Variants in GABRR3 observed in about 807,000 individuals in gnomAD.
GABRR3 encodes the protein gamma-aminobutyric acid type A receptor subunit rho3, also known as gamma-aminobutyric acid receptor subunit rho-3.
GABRR3 carries 29 observed loss-of-function variants against 43.2 expected under a neutral mutation model. The ratio of observed to expected loss-of-function variants is 0.67; its 90% CI spans 0.50 to 0.92. GABRR3 has a LOEUF of 0.92. Ranked by LOEUF, GABRR3 falls within the 40% of genes least tolerant of loss-of-function variation. GABRR3 has a pLI of 0.00. For missense variants in GABRR3, 576 were observed against 572.3 expected (o/e 1.01, Z -0.07); for synonymous variants, 206 against 195.9 (o/e 1.05, Z -0.43).
intron 8 of GABRR3, chr3:98,000,165 T>C (rs1393539270): frequency 6.6e-6 from 1 of 152,142 alleles, no homozygotes; most frequent in Non-Finnish European, 1.5e-5. Flanking sequence ...TAAATCTGCA[T>C]AGCAATTTCC....
downstream of GABRR3, among the ~76,000 whole-genome samples, chr3:97,985,545 C>T (rs921354048): frequency 6.6e-6 from 1 of 152,186 alleles, no homozygotes; most frequent in African/African-American, 2.4e-5. Context: ...TTTTATAGCT[C>T]CAGTTCACTG....
intron 2 of GABRR3, among the ~76,000 whole-genome samples, chr3:98,026,612 T>TCATCATTAG (rs142635806): frequency 0.23 from 34,606 of 150,338 alleles, 4,765 homozygotes; most frequent in East Asian, 0.41. Context: ...GTCATCATCA[T>TCATCATTAG]CATCATCATC....
chr3:98,030,537 G>A (rs879436344), intron 2 of GABRR3, among the ~76,000 whole-genome samples: 9 of 152,112 alleles, frequency 5.9e-5, no homozygotes, highest in Non-Finnish European at 1.0e-4. Flanking sequence ...CGTGAGCTTG[G>A]AAAAACAAAA....
rs1202227765 is a variant in GABRR3, at chr3:98,001,786, G to A, written c.755-19C>T. On this transcript the variant is annotated intron_variant, in intron 7 of 9. Transcript: ENST00000621172. ...TACCAACCTGTGGAAAAAAGCCAAA[G>A]TTTTCATTAGAGCAAGCTTCCCCTT... 3 of 1,612,126 alleles carry A rather than the reference G, an allele frequency of 1.9e-6. No individual in the cohort carries two copies. The highest frequency in any genetic ancestry group is 2.5e-6 in the Non-Finnish European group (3 of 1,178,934).
At chr3:98,033,440 A>T (rs1707115540) in intron 2 of GABRR3, among the ~76,000 whole-genome samples, 1 of 152,118 alleles carries the variant, frequency 6.6e-6, no homozygotes, top group Non-Finnish European at 1.5e-5. Flanking sequence ...CACCACAAAG[A>T]ACCAATGTTC....
At chr3:98,027,431 C>G (rs1016287105) in intron 2 of GABRR3, among the ~76,000 whole-genome samples, 3 of 152,100 alleles carry the variant, frequency 2.0e-5, no homozygotes, top group African/African-American at 7.2e-5. Flanking sequence ...ATTTGTAAAC[C>G]TCTTTGGTAA....
At chr3:98,016,011 G>A (rs1706867911) in intron 4 of GABRR3, among the ~76,000 whole-genome samples, 1 of 152,164 alleles carries the variant, frequency 6.6e-6, no homozygotes, top group Admixed American at 6.5e-5. Flanking sequence ...GGGGAAGAAA[G>A]CACCTTCTTC....
At chr3:98,012,653 T>C (rs1402041153) in intron 4 of GABRR3, 86 bp from the exon 5 acceptor site, 1 of 859,032 alleles carries the variant, frequency 1.2e-6, no homozygotes, top group African/African-American at 1.7e-5. Context: ...CAGGACTCAT[T>C]CCTATGGTGT....
rs59004926 is a variant in GABRR3, at chr3:98,019,109, CAAAAAAAAAAAGA to C, written c.239-1400_239-1388del. Among the ~76,000 whole-genome samples the C allele has an allele frequency of 4.7e-3, 661 of 140,372 alleles. 4 individuals carry two copies. The highest frequency in any genetic ancestry group is 0.017 in the African/African-American group (627 of 37,594). 92.1% of individuals were successfully genotyped at this position (140,372 alleles called of 152,430 possible). On this transcript the variant is annotated intron_variant, in intron 3 of 9. Transcript: ENST00000621172. ...TGGGTGACAGAGCTAGACTCTCTCT[CAAAAAAAAAAAGA>C]AAAAGAAAAAAGAAAAGAAAAGAAA...
chr3:98,008,200 T>G (rs1346548161), intron 6 of GABRR3, among the ~76,000 whole-genome samples: 1 of 152,070 alleles, frequency 6.6e-6, no homozygotes, highest in African/African-American at 2.4e-5. Flanking sequence ...TCTCTTAGAG[T>G]GTTAAGCCAG....
chr3:98,030,016 G>C (rs749812187), intron 2 of GABRR3, among the ~76,000 whole-genome samples: 1 of 151,682 alleles, frequency 6.6e-6, no homozygotes, highest in Non-Finnish European at 1.5e-5. Flanking sequence ...TCAGGAGGCC[G>C]AGGCAGGAGA....
chr3:98,013,990 C>G, intron 4 of GABRR3, among the ~76,000 whole-genome samples: 1 of 151,960 alleles, frequency 6.6e-6, no homozygotes, highest in East Asian at 1.9e-4. Context: ...GAGGGTGAGA[C>G]AAATCTTAAA....
chr3:97,996,060 TC>T (rs1307420821), intron 8 of GABRR3, among the ~76,000 whole-genome samples: 26 of 152,306 alleles, frequency 1.7e-4, no homozygotes, highest in African/African-American at 5.8e-4. Context: ...TAATAATCTT[TC>T]AGTTTCATTG....
chr3:97,992,881 C>T (rs1417722641), exon 9 of GABRR3: 2 of 1,611,268 alleles, frequency 1.2e-6, no homozygotes, highest in Admixed American at 1.7e-5. Context: ...TGTTTCCGCT[C>T]TTCCACTGTG....
chr3:98,006,414 T>C lies in GABRR3; in HGVS notation c.754+1350A>G, dbSNP rs147272578. On this transcript the variant is annotated intron_variant, in intron 7 of 9. Transcript: ENST00000621172. ...AATGTAGACAAATAATGGAGTGAAA[T>C]AGAGAATTTCTTCTGGGTCTAAATA... 7.9e-5 allele frequency among the ~76,000 whole-genome samples: 12 copies of C among 152,282 alleles called. No homozygotes were observed. In the East Asian group the frequency reaches 2.1e-3, roughly 27 times the overall value.
rs1327880049 is a variant in GABRR3, at chr3:98,012,410, T to C, written c.464A>G (p.His155Arg). The C allele has an allele frequency of 6.2e-7, 1 of 1,614,016 alleles. No individual in the cohort carries two copies. The highest frequency in any genetic ancestry group is 8.5e-7 in the Non-Finnish European group (1 of 1,179,890). The change falls in exon 5 of 10, where the codon CAT becomes CGT. Residue 155 changes from histidine (H) to arginine (R), a missense_variant. By Grantham distance (29) the His-to-Arg change is conservative. Coordinates refer to ENST00000621172, the Ensembl canonical transcript of GABRR3. ...CATGATATTCTCCATAGTTGTATCA[T>C]GGATGAAGGATCTTTTAGAGTGGAC...
intron 9 of GABRR3, among the ~76,000 whole-genome samples, chr3:97,992,334 A>G (rs536284365): frequency 9.9e-5 from 15 of 152,072 alleles, no homozygotes; most frequent in Non-Finnish European, 8.8e-5. Context: ...AGTTAAGGAG[A>G]CCCAGAAGCA....
At chr3:98,013,019 G>T (rs998895614) in intron 4 of GABRR3, among the ~76,000 whole-genome samples, 1 of 152,002 alleles carries the variant, frequency 6.6e-6, no homozygotes, top group African/African-American at 2.4e-5. Flanking sequence ...TTCCCAAATC[G>T]AATAAACTAC....
intron 9 of GABRR3, among the ~76,000 whole-genome samples, chr3:97,990,712 A>G (rs1037208282): frequency 1.3e-5 from 2 of 152,018 alleles, no homozygotes; most frequent in East Asian, 3.9e-4. Context: ...GGCAAATAGG[A>G]CATTCCCTTG....
Sources: allele counts gnomAD v4.1 joint callset (sites outside exome capture counted in the v4.1 genomes callset), GRCh38; gene constraint gnomAD v4.1.1; transcripts MANE v1.5; gene names NCBI Gene and HGNC (gene_info 2026-07-23, HGNC 2026-07-21).